WDR11: variants seen among roughly 807,000 people sequenced by gnomAD.
WDR11 encodes WD repeat domain 11, also known as WD repeat-containing protein 11.
In WDR11, 83 loss-of-function variants were observed where a neutral mutation model predicts 151.2. That is an observed-to-expected ratio of 0.55 (90% CI 0.46 to 0.66). The LOEUF (loss-of-function observed/expected upper bound fraction) is 0.66. Ranked by LOEUF, WDR11 falls within the 30% of genes least tolerant of loss-of-function variation. The probability of loss-of-function intolerance (pLI) is 0.00; values close to 1 mark genes in which losing one functional copy is unlikely to be tolerated. For synonymous variants in WDR11, 484 were observed against 533.1 expected (o/e 0.91, Z 1.27); for missense variants, 1,301 against 1,480.9 (o/e 0.88, Z 1.99).
chr10:120,901,190 G>C lies in WDR11; in HGVS notation c.2687+92G>C, dbSNP rs189993237. 7 of 1,139,770 alleles carry C rather than the reference G, an allele frequency of 6.1e-6. No individual in the cohort carries two copies. The Admixed American group carries it at 1.3e-4, about 20-fold the overall frequency. The allele number at this position is 1,139,770 out of a possible 1,614,324, so 70.6% of individuals were successfully genotyped here. A position where few individuals can be genotyped will look rare whatever the true frequency, so the allele number is the denominator to read the frequency against. Reference sequence around the variant, plus strand: ...GCAATTCAAAATTAAAATAAGTTACGTTTTAGAAAATATTAGTGGCCCAAG... The same window carrying C: ...GCAATTCAAAATTAAAATAAGTTACCTTTTAGAAAATATTAGTGGCCCAAG... On this transcript the variant is annotated intron_variant, in intron 21 of 28. Transcript: ENST00000263461.
At chr10:120,874,792 C>CTTTCTTTTTT (rs1269971885) in intron 11 of WDR11, among the ~76,000 whole-genome samples, 1 of 150,430 alleles carries the variant, frequency 6.6e-6, no homozygotes, top group African/African-American at 2.5e-5. Flanking sequence ...CACATTTCCT[C>CTTTCTTTTTT]TTTCTTTTTT....
At position 120,906,463 on chromosome 10, in the gene WDR11, G is replaced by A. The variant is rs373830453; in HGVS notation, c.3438-313G>A. ...TTCAAAACTAAGGGAGGTAGATTAC[G>A]GAAATATGACAAAAGATTACTTGTC... On this transcript the variant is annotated intron_variant, in intron 27 of 28. Transcript: ENST00000263461. 4,902 of 1,261,168 alleles carry A rather than the reference G, an allele frequency of 3.9e-3. 14 individuals are homozygous for A. The highest frequency in any genetic ancestry group is 4.6e-3 in the Non-Finnish European group (4,562 of 994,306). 78.1% of individuals were successfully genotyped at this position (1,261,168 alleles called of 1,614,324 possible).
intron 1 of WDR11, chr10:120,851,805 C>T: frequency 2.0e-6 from 1 of 506,574 alleles, no homozygotes; most frequent in East Asian, 3.6e-5. Context: ...TCTCCTCCAG[C>T]TTCCAGGCTT....
intron 9 of WDR11, chr10:120,868,676 G>C (rs561678887): frequency 1.3e-5 from 2 of 152,274 alleles, no homozygotes; most frequent in East Asian, 3.9e-4. Context: ...CAATGGAAGA[G>C]CCCAAGTGTG....
chr10:120,852,669 G>T, intron 2 of WDR11, 34 bp downstream of exon 2: 1 of 1,564,696 alleles, frequency 6.4e-7, no homozygotes, highest in Non-Finnish European at 8.8e-7. Context: ...CTAACATGTT[G>T]TCTAGTCTAA....
Position 120,883,861 on chromosome 10 carries a change from C to G in WDR11, c.1821C>G (p.Ser607=). The change falls in exon 14 of 29, where the codon TCC becomes TCG. Residue 607 remains serine, a synonymous_variant. Coordinates refer to ENST00000263461, the MANE Select transcript of WDR11 (RefSeq NM_018117.12). The part of the protein sequence containing the change: ...VRTCTLLREM[S]KNFPTITALE... ...CTTGTACCCTTCTTAGAGAGATGTC[C>G]AAAAACTTCCCTACAATAACTGCTT... 1 of 1,613,104 alleles carries G rather than the reference C, an allele frequency of 6.2e-7. No homozygotes were observed. Among genetic ancestry groups the G allele is most frequent in the South Asian group, 1.1e-5 (1 of 91,038 alleles).
intron 27 of WDR11, chr10:120,906,322 G>T: frequency 7.8e-7 from 1 of 1,288,760 alleles, no homozygotes; most frequent in Non-Finnish European, 9.9e-7. Context: ...TAGAGCAACT[G>T]AGAGGAGGCC....
chr10:120,870,209 TAAC>T (rs770048468), intron 9 of WDR11, among the ~76,000 whole-genome samples: 3 of 152,220 alleles, frequency 2.0e-5, no homozygotes, highest in Non-Finnish European at 4.4e-5. Context: ...GATTTTAAAA[TAAC>T]ATTATTAAAA....
intron 11 of WDR11, among the ~76,000 whole-genome samples, 181 bp downstream of exon 11, chr10:120,874,104 G>A (rs1846645111): frequency 6.6e-6 from 1 of 151,240 alleles, no homozygotes; most frequent in Non-Finnish European, 1.5e-5. Context: ...TCTTTGCTGT[G>A]TAAAGAACAT....
At chr10:120,904,841 C>T (rs1847972810) in intron 25 of WDR11, 30 bp downstream of exon 25, 1 of 1,613,624 alleles carries the variant, frequency 6.2e-7, no homozygotes, top group Non-Finnish European at 8.5e-7. Flanking sequence ...TTTGTCATCT[C>T]TCTGAAAAAT....
chr10:120,867,218 G>A (rs761113248), intron 9 of WDR11, 49 bp downstream of exon 9: 1 of 1,337,378 alleles, frequency 7.5e-7, no homozygotes, highest in South Asian at 1.2e-5. Flanking sequence ...TTTCTGAAGG[G>A]CAAAATTAAT....
At chr10:120,895,908 C>T (rs1167732578) in intron 19 of WDR11, among the ~76,000 whole-genome samples, 2 of 152,160 alleles carry the variant, frequency 1.3e-5, no homozygotes, top group African/African-American at 4.8e-5. Flanking sequence ...AGGAATTTGG[C>T]AATATCTAAC....
intron 26 of WDR11, 72 bp downstream of exon 26, chr10:120,905,488 T>A: frequency 2.0e-6 from 3 of 1,529,940 alleles, no homozygotes; most frequent in Non-Finnish European, 2.7e-6. Flanking sequence ...ACTTTGGACT[T>A]ATGACTTAGA....
At chr10:120,906,346 G>C in intron 27 of WDR11, 1 of 1,262,766 alleles carries the variant, frequency 7.9e-7, no homozygotes, top group South Asian at 1.6e-5. Flanking sequence ...AGAGCAGGGG[G>C]AGAGGCGACA....
intron 10 of WDR11, among the ~76,000 whole-genome samples, chr10:120,871,816 T>G (rs61875075): frequency 0.27 from 40,330 of 152,130 alleles, 5,930 homozygotes; most frequent in African/African-American, 0.39. Flanking sequence ...ATGGTCCCTA[T>G]AAATTAAGAT....
chr10:120,873,607 A>G (rs992553570), intron 10 of WDR11, among the ~76,000 whole-genome samples: 10 of 152,188 alleles, frequency 6.6e-5, no homozygotes. Context: ...TGAAAAATCT[A>G]TTCCTGGAAT....
intron 1 of WDR11, 169 bp downstream of exon 1, chr10:120,851,675 T>C (rs1845778864): frequency 2.7e-6 from 2 of 742,382 alleles, no homozygotes; most frequent in South Asian, 1.7e-5. Flanking sequence ...GTTACAAAAG[T>C]GATAATAGCC....
rs935094268 is a variant in WDR11 at position 120,900,102 on chromosome 10, T to C, written c.2589T>C (p.Pro863=). 1 of 1,614,070 alleles carries C rather than the reference T, an allele frequency of 6.2e-7. No individual in the cohort carries two copies. ...LALKAFLLHQ[P]WNGQYSLDIS... is the part of the protein sequence containing the mutation. The stretch of plus-strand genomic sequence containing the variant: ...TGAAAGCCTTCTTATTACACCAGCC[T>C]TGGAATGGACAGTATTCTTTGGACA... The change falls in exon 20 of 29, where the codon CCT becomes CCC. Residue 863 remains proline, a synonymous_variant. Transcript: ENST00000263461.
intron 11 of WDR11, among the ~76,000 whole-genome samples, chr10:120,875,030 C>T (rs1241839816): frequency 6.6e-6 from 1 of 150,974 alleles, no homozygotes; most frequent in South Asian, 2.1e-4. Context: ...GTGTTCTCAT[C>T]GTTCAACTCC....
Sources: allele counts gnomAD v4.1 joint callset (sites outside exome capture counted in the v4.1 genomes callset), GRCh38; gene constraint gnomAD v4.1.1; transcripts MANE v1.5; gene names NCBI Gene and HGNC (gene_info 2026-07-23, HGNC 2026-07-21).